Variants in SDCCAG8 observed in about 807,000 individuals in gnomAD.
SDCCAG8 encodes the protein SHH signaling and ciliogenesis regulator SDCCAG8.
In SDCCAG8, 74 loss-of-function variants were observed where a neutral mutation model predicts 101.8. That is an observed-to-expected ratio of 0.73 (90% CI 0.60 to 0.88). SDCCAG8 has a LOEUF of 0.88. Ranked by LOEUF, SDCCAG8 falls within the 40% of genes least tolerant of loss-of-function variation. The probability of loss-of-function intolerance (pLI) is 0.00; values close to 1 mark genes in which losing one functional copy is unlikely to be tolerated. For synonymous variants in SDCCAG8, 281 were observed against 292.9 expected (o/e 0.96, Z 0.41); for missense variants, 787 against 822.6 (o/e 0.96, Z 0.53).
chr1:243,316,456 C>A (rs964409508), intron 8 of SDCCAG8, among the ~76,000 whole-genome samples: 10 of 152,170 alleles, frequency 6.6e-5, no homozygotes, highest in African/African-American at 1.4e-4. Flanking sequence ...CACCTCCCCC[C>A]ACTTTTAAAA....
chr1:243,286,200 G>A, intron 4 of SDCCAG8, 72 bp from the exon 5 acceptor site: 1 of 1,422,436 alleles, frequency 7.0e-7, no homozygotes, highest in Non-Finnish European at 9.9e-7. Flanking sequence ...ATATCATGCT[G>A]TGCCCTCTAA....
intron 13 of SDCCAG8, among the ~76,000 whole-genome samples, chr1:243,412,942 G>A (rs1003084242): frequency 6.6e-6 from 1 of 152,006 alleles, no homozygotes; most frequent in Non-Finnish European, 1.5e-5. Context: ...AGCCTACCAA[G>A]TCAGAACCTG....
At chr1:243,311,170 G>A (rs1019501838) in intron 8 of SDCCAG8, among the ~76,000 whole-genome samples, 3 of 152,262 alleles carry the variant, frequency 2.0e-5, no homozygotes, top group East Asian at 1.9e-4. Flanking sequence ...CCTAAATATC[G>A]TTCAAAGGAG....
At chr1:243,343,930 AT>A (rs1353803617) in intron 11 of SDCCAG8, among the ~76,000 whole-genome samples, 3 of 152,230 alleles carry the variant, frequency 2.0e-5, no homozygotes, top group African/African-American at 4.8e-5. Flanking sequence ...TTGGTTGATA[AT>A]ATGCAATTGA....
chr1:243,365,669 C>G (rs529723966), intron 12 of SDCCAG8, among the ~76,000 whole-genome samples: 2 of 152,134 alleles, frequency 1.3e-5, no homozygotes, highest in African/African-American at 4.8e-5. Flanking sequence ...TTCTTTTACA[C>G]AATAATTTTT....
intron 5 of SDCCAG8, among the ~76,000 whole-genome samples, chr1:243,287,508 A>C (rs2069747895): frequency 6.6e-6 from 1 of 151,856 alleles, no homozygotes; most frequent in Non-Finnish European, 1.5e-5. Context: ...GAGTGTATTA[A>C]CTCTGATAAA....
At chr1:243,480,328 G>A (rs569043221) in intron 16 of SDCCAG8, among the ~76,000 whole-genome samples, 1 of 138,858 alleles carries the variant, frequency 7.2e-6, no homozygotes, top group South Asian at 2.4e-4. Context: ...TGGGTGGGAT[G>A]GATGGATGGA....
In SDCCAG8 at chr1:243,452,389, C is replaced by T. The variant is rs1266932982; in HGVS notation, c.1985+25831C>T. On this transcript the variant is annotated intron_variant, in intron 16 of 17. Coordinates refer to ENST00000366541, the MANE Select transcript of SDCCAG8 (RefSeq NM_006642.5). The stretch of plus-strand genomic sequence containing the variant: ...TCTCTGTCATACCTTTTTGACTTCT[C>T]CCTACCCTTGAGATGATCTCATCTC... Among the ~76,000 whole-genome samples the T allele has an allele frequency of 2.7e-5, 4 of 150,272 alleles. No individual in the cohort carries two copies. The East Asian group carries it at 7.8e-4, about 29-fold the overall frequency.
At chr1:243,421,954 T>C (rs979617466) in intron 15 of SDCCAG8, among the ~76,000 whole-genome samples, 4 of 152,184 alleles carry the variant, frequency 2.6e-5, no homozygotes, top group African/African-American at 9.7e-5. Flanking sequence ...CAGTAAAACG[T>C]TGCAGTGCGG....
chr1:243,397,671 T>C (rs1327792352), intron 13 of SDCCAG8, among the ~76,000 whole-genome samples: 1 of 152,230 alleles, frequency 6.6e-6, no homozygotes, highest in Non-Finnish European at 1.5e-5. Flanking sequence ...ATTGTTTCAG[T>C]AGGAATAATG....
At position 243,270,991 on chromosome 1, in the gene SDCCAG8, A is replaced by G. The variant is rs758440980; in HGVS notation, c.234A>G (p.Lys78=). 1 of 1,613,130 alleles carries G rather than the reference A, an allele frequency of 6.2e-7. No homozygotes were observed. Among genetic ancestry groups the G allele is most frequent in the South Asian group, 1.1e-5 (1 of 91,054 alleles). The change falls in exon 3 of 18, where the codon AAA becomes AAG. Residue 78 remains lysine (K), a synonymous_variant. Transcript: ENST00000366541. ...TTTGCTCTATAGTTAATCAGCTCAA[A>G]GATTTGTTGCGCCAACAAGCAGATA... ...LQQSHAVNQL[K]DLLRQQADKE...
At chr1:243,361,703 C>T (rs1178164039) in intron 12 of SDCCAG8, among the ~76,000 whole-genome samples, 6 of 152,338 alleles carry the variant, frequency 3.9e-5, no homozygotes, top group Non-Finnish European at 8.8e-5. Flanking sequence ...TCCCACTCTT[C>T]CTTTGCTTAA....
intron 10 of SDCCAG8, among the ~76,000 whole-genome samples, chr1:243,340,385 T>TCAA (rs1375893182): frequency 2.0e-5 from 3 of 152,286 alleles, no homozygotes; most frequent in African/African-American, 7.2e-5. Context: ...AAGCTGAATA[T>TCAA]CAACCCTGAA....
intron 5 of SDCCAG8, among the ~76,000 whole-genome samples, chr1:243,287,389 A>G (rs1168512161): frequency 2.0e-5 from 3 of 150,556 alleles, no homozygotes; most frequent in African/African-American, 7.3e-5. Context: ...TTTCATTGGG[A>G]TATCCTCTAA....
chr1:243,478,377 T>C (rs1429684472), intron 16 of SDCCAG8, among the ~76,000 whole-genome samples: 1 of 152,212 alleles, frequency 6.6e-6, no homozygotes, highest in East Asian at 1.9e-4. Flanking sequence ...CTGAATGTTC[T>C]CTAAGGTGCC....
chr1:243,417,974 A>C lies in SDCCAG8; in HGVS notation c.1751A>C (p.Glu584Ala), dbSNP rs757605519. 3 of 1,606,160 alleles carry C rather than the reference A, an allele frequency of 1.9e-6. No individual in the cohort carries two copies. In the South Asian group the frequency reaches 3.3e-5, roughly 18 times the overall value. Residue 584 changes from glutamate to alanine, a missense_variant, in exon 15 of 18, where the codon GAA (glutamate) becomes GCA (alanine). By Grantham distance (107) the Glu-to-Ala change is moderately radical (BLOSUM62 -1). Transcript: ENST00000366541. ...GGTTTATTGTTATTTCTAGAAAATGAACAGTATTTGTTGCTGACCTCCCAG... is the reference window on the plus strand; with the variant it reads ...GGTTTATTGTTATTTCTAGAAAATGCACAGTATTTGTTGCTGACCTCCCAG... ...MEAQHDKTEN[E>A]QYLLLTSQNT...
In SDCCAG8 at chr1:243,445,116, A is replaced by C. The variant is rs1028102414; in HGVS notation, c.1985+18558A>C. Reference sequence around the variant, plus strand: ...CATTAATAACAAACATATTTTTCCAAATATTATTTTCTAATGTATTTCTAA... The same window carrying C: ...CATTAATAACAAACATATTTTTCCACATATTATTTTCTAATGTATTTCTAA... On this transcript the variant is annotated intron_variant, in intron 16 of 17. Transcript: ENST00000366541. 3.9e-5 allele frequency among the ~76,000 whole-genome samples: 6 copies of C among 152,186 alleles called. No homozygotes were observed. The South Asian group carries it at 1.2e-3, about 32-fold the overall frequency.
At chr1:243,304,848 T>C (rs952524467) in intron 7 of SDCCAG8, 71 bp downstream of exon 7, 63 of 944,670 alleles carry the variant, frequency 6.7e-5, no homozygotes, top group Non-Finnish European at 1.0e-4. Context: ...GAATGTTTGC[T>C]GAACTTCTAG....
At chr1:243,415,612 C>T (rs2080519697) in intron 13 of SDCCAG8, 90 bp from the exon 14 acceptor site, 15 of 1,555,184 alleles carry the variant, frequency 9.6e-6, no homozygotes, top group East Asian at 2.2e-5. Context: ...CAATTTACTA[C>T]GTATCAGCTC....
Sources: gnomAD v4.1 joint callset for allele counts (sites outside exome capture counted in the v4.1 genomes callset) on GRCh38, gnomAD v4.1.1 for gene constraint, MANE v1.5 for transcripts, NCBI Gene and HGNC (gene_info 2026-07-23, HGNC 2026-07-21) for gene names.